Variants in KIAA0513 observed in about 807,000 individuals in gnomAD.
KIAA0513 encodes KIAA0513, also known as uncharacterized protein KIAA0513.
KIAA0513 carries 39 observed loss-of-function variants against 56.5 expected under a neutral mutation model. The observed-to-expected ratio is 0.69, with a 90% CI of 0.53 to 0.90. The LOEUF (loss-of-function observed/expected upper bound fraction) is 0.90, where lower values mean the gene tolerates loss of function less well. KIAA0513 is among the 40% of genes least tolerant of loss of function. The probability of loss-of-function intolerance (pLI) is 0.00; values close to 1 mark genes in which losing one functional copy is unlikely to be tolerated. For missense variants in KIAA0513, 591 were observed against 535.2 expected (o/e 1.10, Z -1.03); for synonymous variants, 268 against 215.6 (o/e 1.24, Z -2.13).
chr16:85,028,996 G>T (rs1308859412), intron 1 of KIAA0513, among the ~76,000 whole-genome samples: 3 of 152,176 alleles, frequency 2.0e-5, no homozygotes, highest in Non-Finnish European at 4.4e-5. Flanking sequence ...ACACCGAATC[G>T]TTCAAAGGAA....
intron 1 of KIAA0513, among the ~76,000 whole-genome samples, chr16:85,051,245 T>C (rs2073248851): frequency 6.6e-6 from 1 of 152,178 alleles, no homozygotes; most frequent in African/African-American, 2.4e-5. Context: ...TCCCACTGGG[T>C]TGGGGAACCA....
intron 1 of KIAA0513, among the ~76,000 whole-genome samples, chr16:85,048,617 C>T (rs1408403915): frequency 6.6e-6 from 1 of 152,054 alleles, no homozygotes; most frequent in Non-Finnish European, 1.5e-5. Context: ...GGTGGCTCAC[C>T]CCTGTAATCC....
At chr16:85,042,138 C>T (rs1392526) in intron 1 of KIAA0513, among the ~76,000 whole-genome samples, 29,946 of 152,206 alleles carry the variant, frequency 0.2, 3,132 homozygotes, top group Middle Eastern at 0.24. Context: ...ATTGTAATAA[C>T]ATTCAACTCT....
At chr16:85,047,154 G>A (rs1028940211) in intron 1 of KIAA0513, among the ~76,000 whole-genome samples, 1 of 152,170 alleles carries the variant, frequency 6.6e-6, no homozygotes. Context: ...TTTTGGTGCC[G>A]TTTTCCAAGC....
At chr16:85,084,612 A>G (rs2073787992) in intron 10 of KIAA0513, among the ~76,000 whole-genome samples, 1 of 152,072 alleles carries the variant, frequency 6.6e-6, no homozygotes, top group Non-Finnish European at 1.5e-5. Context: ...TATTTTTAGT[A>G]TAGACGGGGT....
intron 12 of KIAA0513, among the ~76,000 whole-genome samples, chr16:85,088,007 C>T (rs955167789): frequency 2.0e-5 from 3 of 152,254 alleles, no homozygotes; most frequent in Admixed American, 2.0e-4. Context: ...TAAGAAGGTG[C>T]GTTTCCCAGT....
chr16:85,071,869 A>C lies in KIAA0513; in HGVS notation c.416A>C (p.Tyr139Ser), dbSNP rs2073581253. 1.6e-5 allele frequency: 26 copies of C among 1,609,436 alleles called. No homozygotes were observed. The highest frequency in any genetic ancestry group is 2.0e-5 in the Non-Finnish European group (24 of 1,177,508). Residue 139 changes from tyrosine to serine, a missense_variant, in exon 3 of 13, where the codon TAC becomes TCC. Transcript: ENST00000683363. ...NGKGREWFAR[Y>S]VSAQRCNSKC... ...AAAGGCCGGGAGTGGTTTGCTCGAT[A>C]CGTGAGTGCCCAGGTAAGGGCGAGG... is the stretch of plus-strand genomic sequence containing the variant.
chr16:85,067,110 C>G lies in KIAA0513; in HGVS notation c.39C>G (p.Asp13Glu). The G allele has an allele frequency of 1.2e-6, 2 of 1,609,380 alleles. No homozygotes were observed. The highest frequency in any genetic ancestry group is 1.7e-6 in the Non-Finnish European group (2 of 1,177,158). ...TPEVPVGSLI[D>E]FGPEAPTSSP... ...AGGTCCCCGTGGGCTCGCTAATCGA[C>G]TTTGGGCCTGAGGCACCCACCTCTT... Residue 13 changes from aspartate (D) to glutamate (E), a missense_variant, in exon 2 of 13, where the codon GAC (aspartate) becomes GAG (glutamate). Transcript: ENST00000683363.
chr16:85,058,759 T>C (rs573490453), intron 1 of KIAA0513, among the ~76,000 whole-genome samples: 1 of 152,312 alleles, frequency 6.6e-6, no homozygotes, highest in East Asian at 1.9e-4. Flanking sequence ...TTAGAGACCT[T>C]GTCATCACAG....
chr16:85,038,913 C>T (rs758019270), intron 1 of KIAA0513, among the ~76,000 whole-genome samples: 1 of 152,124 alleles, frequency 6.6e-6, no homozygotes, highest in Admixed American at 6.5e-5. Flanking sequence ...GCTCAAGGGC[C>T]GCATGTGGCC....
chr16:85,067,957 C>T (rs1018431921), intron 2 of KIAA0513, among the ~76,000 whole-genome samples: 3 of 150,366 alleles, frequency 2.0e-5, no homozygotes, highest in African/African-American at 7.4e-5. Context: ...ACTATAAGCA[C>T]CCACCACCAC....
At chr16:85,087,029 C>G in intron 11 of KIAA0513, 43 bp from the exon 12 acceptor site, 1 of 1,588,080 alleles carries the variant, frequency 6.3e-7, no homozygotes. Flanking sequence ...GGCCCTTTCC[C>G]CTGGGAGGCC....
chr16:85,079,848 T>C (rs1037362368), intron 8 of KIAA0513: 1 of 152,276 alleles, frequency 6.6e-6, no homozygotes, highest in African/African-American at 2.4e-5. Flanking sequence ...ATGGTTGAAG[T>C]GTGAGACCAG....
chr16:85,066,269 A>AG (rs2073479798), intron 1 of KIAA0513, among the ~76,000 whole-genome samples: 3 of 152,142 alleles, frequency 2.0e-5, no homozygotes, highest in Admixed American at 2.0e-4. Context: ...GGAATGGAGA[A>AG]GGGAGAGGGC....
chr16:85,087,810 G>A (rs1441117109), intron 12 of KIAA0513, among the ~76,000 whole-genome samples: 1 of 152,208 alleles, frequency 6.6e-6, no homozygotes, highest in Non-Finnish European at 1.5e-5. Flanking sequence ...ATCTGTGGTG[G>A]AGTGGCCTCA....
At chr16:85,069,141 C>A (rs1322228967) in intron 2 of KIAA0513, among the ~76,000 whole-genome samples, 1 of 152,044 alleles carries the variant, frequency 6.6e-6, no homozygotes, top group Non-Finnish European at 1.5e-5. Context: ...AGCAGTCTTC[C>A]CACCGCAGCC....
chr16:85,061,393 G>A (rs984994214), intron 1 of KIAA0513, among the ~76,000 whole-genome samples: 2 of 152,160 alleles, frequency 1.3e-5, no homozygotes, highest in African/African-American at 4.8e-5. Context: ...ACCTGTGTGC[G>A]GGTTCCTTGC....
intron 1 of KIAA0513, among the ~76,000 whole-genome samples, chr16:85,030,300 C>T (rs77640406): frequency 1.2e-4 from 18 of 152,212 alleles, no homozygotes; most frequent in South Asian, 2.1e-4. Context: ...CGCAGTTCTC[C>T]GGCAGCCTGC....
chr16:85,083,234 ACT>A (rs2073769273), intron 10 of KIAA0513, among the ~76,000 whole-genome samples: 1 of 152,018 alleles, frequency 6.6e-6, no homozygotes, highest in South Asian at 2.1e-4. Flanking sequence ...GAGGGGTCTG[ACT>A]CTCTCTGTTC....
Sources: allele counts gnomAD v4.1 joint callset (sites outside exome capture counted in the v4.1 genomes callset), GRCh38; gene constraint gnomAD v4.1.1; transcripts MANE v1.5; gene names NCBI Gene and HGNC (gene_info 2026-07-23, HGNC 2026-07-21).